Variants in TNC observed in about 807,000 individuals in gnomAD.
TNC encodes the protein tenascin C.
TNC carries 109 observed loss-of-function variants against 202.4 expected under a neutral mutation model. The observed-to-expected ratio is 0.54, with a 90% CI of 0.46 to 0.63. The LOEUF (loss-of-function observed/expected upper bound fraction) is 0.63. Among genes scored for constraint, TNC ranks in the 30% least tolerant of loss-of-function variants. The probability of loss-of-function intolerance (pLI) is 0.00; values close to 1 mark genes in which losing one functional copy is unlikely to be tolerated. For missense variants in TNC, 2,756 were observed against 2,833.3 expected, an observed-to-expected ratio of 0.97 and a Z score of 0.62; for synonymous variants, 1,007 against 1,089.7, an observed-to-expected ratio of 0.92 and a Z score of 1.50.
At chr9:115,055,291 C>T (rs1241979820) in intron 15 of TNC, among the ~76,000 whole-genome samples, 8 of 152,154 alleles carry the variant, frequency 5.3e-5, no homozygotes, top group Non-Finnish European at 7.3e-5. Flanking sequence ...AGAGGTTTGA[C>T]ACTGAAATTC....
rs912276095 is a variant in TNC at position 115,076,556 on chromosome 9, A to T, written c.2694T>A (p.Asn898Lys). 6.2e-7 allele frequency: 1 copy of T among 1,614,206 alleles called. No individual in the cohort carries two copies. The highest frequency in any genetic ancestry group is 8.5e-7 in the Non-Finnish European group (1 of 1,180,036). The change falls in exon 8 of 28, where the codon AAT becomes AAA. Residue 898 changes from asparagine to lysine, a missense_variant. Asn to Lys is a moderately conservative substitution (Grantham distance 94). Coordinates refer to ENST00000350763, the MANE Select transcript of TNC (RefSeq NM_002160.4). ...TATCTGTCTGGGAAACACGTCGAAG[A>T]TTCCTGGGAGCATCGAGGCCTGTTT... ...TFTTGLDAPR[N>K]LRRVSQTDNS... is the part of the protein sequence containing the mutation.
intron 21 of TNC, 43 bp downstream of exon 21, chr9:115,036,055 G>T (rs1392308719): frequency 6.2e-7 from 1 of 1,608,196 alleles, no homozygotes; most frequent in East Asian, 2.2e-5. Flanking sequence ...CTGTGGGTGG[G>T]CACCCCAGAA....
chr9:115,050,086 G>A (rs1262770732), intron 15 of TNC, among the ~76,000 whole-genome samples: 4 of 152,094 alleles, frequency 2.6e-5, no homozygotes, highest in African/African-American at 4.8e-5. Context: ...CAAGGGTCTC[G>A]AATTCTGTTC....
rs1191130836 is a variant in TNC at position 115,057,222 on chromosome 9, A to C, written c.4510T>G (p.Phe1504Val). Residue 1504 changes from phenylalanine to valine, a missense_variant, in exon 15 of 28, where the codon TTT (phenylalanine) becomes GTT (valine). This residue lies in a region of TNC where 2,559 missense variants were observed against 2,546.0 expected (regional missense o/e 1.01). Coordinates refer to ENST00000350763, the MANE Select transcript of TNC (RefSeq NM_002160.4). Reference sequence around the variant, plus strand: ...GCAAGTCCAGAGAGGTAGACAATAAAATCAGTACTAGGGGGTAGCCCTGAG... The same window carrying C: ...GCAAGTCCAGAGAGGTAGACAATAACATCAGTACTAGGGGGTAGCCCTGAG... ...HISGLPPSTD[F>V]IVYLSGLAPS... 1.2e-6 allele frequency: 2 copies of C among 1,614,116 alleles called. No homozygotes were observed. The highest frequency in any genetic ancestry group is 3.3e-5 in the Admixed American group (2 of 60,016).
chr9:115,085,918 CG>C lies in TNC; in HGVS notation c.1812del (p.Cys604TrpfsTer28). 1 of 1,613,156 alleles carries C rather than the reference CG, an allele frequency of 6.2e-7. No individual in the cohort carries two copies. The highest frequency in any genetic ancestry group is 8.5e-7 in the Non-Finnish European group (1 of 1,179,278). On this transcript the variant is annotated frameshift_variant, in exon 3 of 28. Transcript: ENST00000350763. LOFTEE classifies it high-confidence loss of function. ...TCGTTGCAGATGCAGCGGCCCGAGACGCATTGTCCTAAGTTGTTGCAGTCAC... is the reference window on the plus strand; with the variant it reads ...TCGTTGCAGATGCAGCGGCCCGAGACCATTGTCCTAAGTTGTTGCAGTCAC... Reference protein sequence around the residue: ...CPSDCNNLGQCVSGRCICNEG... With the variant: ...CPSDCNNLGQXVSGRCICNEG...
At chr9:115,063,210 G>C (rs747960769) in intron 12 of TNC, 21 bp from the exon 13 acceptor site, 2 of 1,607,098 alleles carry the variant, frequency 1.2e-6, no homozygotes, top group Non-Finnish European at 1.7e-6. Context: ...ACACAGAGTT[G>C]CTGAGTTACT....
At chr9:115,022,609 A>G (rs1323014959) in intron 27 of TNC, among the ~76,000 whole-genome samples, 1 of 151,984 alleles carries the variant, frequency 6.6e-6, no homozygotes, top group African/African-American at 2.4e-5. Flanking sequence ...TTTGTATTAT[A>G]CGAGTATTTT....
At chr9:115,087,492 C>T (rs1172170102) in intron 2 of TNC, among the ~76,000 whole-genome samples, 1 of 150,080 alleles carries the variant, frequency 6.7e-6, no homozygotes, top group East Asian at 2.0e-4. Flanking sequence ...AAATTATAGG[C>T]TTGTATGCCA....
chr9:115,029,536 C>T (rs1463293444), intron 24 of TNC, 80 bp from the exon 25 acceptor site: 1 of 1,380,990 alleles, frequency 7.2e-7, no homozygotes, highest in South Asian at 1.2e-5. Flanking sequence ...AGGAGTGTGG[C>T]ACTGTGGAGA....
chr9:115,036,268 C>A, intron 20 of TNC, 27 bp from the exon 21 acceptor site: 1 of 1,612,050 alleles, frequency 6.2e-7, no homozygotes, highest in South Asian at 1.1e-5. Flanking sequence ...CATACCAAGG[C>A]AGTCACCTCT....
At position 115,090,556 on chromosome 9, in the gene TNC, T is replaced by C. The variant is rs200969002; in HGVS notation, c.457+6A>G. On this transcript the variant is annotated splice_donor_region_variant and intron_variant, in intron 2 of 27. Transcript: ENST00000350763. ...GTGTGGGACTGGGCGGGCCACCAGC[T>C]CATACCTGTGGCAGGCTGGAGACAG... is the stretch of plus-strand genomic sequence containing the variant. 137 of 1,563,420 alleles carry C rather than the reference T, an allele frequency of 8.8e-5. 1 individual carries two copies. The highest frequency in any genetic ancestry group is 1.1e-4 in the Non-Finnish European group (128 of 1,153,174).
chr9:115,048,219 G>T, intron 16 of TNC, 41 bp downstream of exon 16: 1 of 1,603,144 alleles, frequency 6.2e-7, no homozygotes. Flanking sequence ...CACAGAAGGG[G>T]ACCAGGAAGA....
At chr9:115,070,206 G>A (rs1003903870) in intron 10 of TNC, among the ~76,000 whole-genome samples, 2 of 152,130 alleles carry the variant, frequency 1.3e-5, no homozygotes, top group Admixed American at 1.3e-4. Flanking sequence ...AGCTTGAAGG[G>A]GTAGATCAGG....
chr9:115,044,981 T>A (rs1386396737), intron 17 of TNC, among the ~76,000 whole-genome samples: 1 of 152,228 alleles, frequency 6.6e-6, no homozygotes, highest in Non-Finnish European at 1.5e-5. Context: ...AGATGGCAAG[T>A]AGCTATATGC....
intron 22 of TNC, 58 bp downstream of exon 22, chr9:115,035,146 T>C: frequency 6.6e-7 from 1 of 1,524,174 alleles, no homozygotes; most frequent in East Asian, 2.4e-5. Context: ...CTTCCATACT[T>C]TGAAGATCAT....
At position 115,080,016 on chromosome 9, in the gene TNC, C is replaced by T. The variant is rs372879345; in HGVS notation, c.2404+1756G>A. On this transcript the variant is annotated intron_variant, in intron 6 of 27. Transcript: ENST00000350763. ...CGGCTCATGCCTGTAATGCCAGCACCTTAGGAGGCCGAGGCGGGTGGATCA... is the reference window on the plus strand; with the variant it reads ...CGGCTCATGCCTGTAATGCCAGCACTTTAGGAGGCCGAGGCGGGTGGATCA... Among the ~76,000 whole-genome samples the T allele has an allele frequency of 7.2e-5, 11 of 152,178 alleles. 1 individual carries two copies. Among genetic ancestry groups the T allele is most frequent in the African/African-American group, 2.7e-4 (11 of 41,508 alleles).
At chr9:115,036,315 T>C (rs1347804691) in intron 20 of TNC, 74 bp from the exon 21 acceptor site, 6 of 1,527,300 alleles carry the variant, frequency 3.9e-6, no homozygotes, top group East Asian at 4.5e-5. Flanking sequence ...GCAAACCACA[T>C]ACACACCTCC....
chr9:115,057,845 T>A (rs1832252850), intron 14 of TNC, among the ~76,000 whole-genome samples: 1 of 152,236 alleles, frequency 6.6e-6, no homozygotes, highest in South Asian at 2.1e-4. Flanking sequence ...ATTACTTGGA[T>A]GCCTTCCACA....
At chr9:115,068,332 T>C (rs989096074) in intron 10 of TNC, among the ~76,000 whole-genome samples, 1 of 152,058 alleles carries the variant, frequency 6.6e-6, no homozygotes, top group Non-Finnish European at 1.5e-5. Flanking sequence ...TCCTGGTGGG[T>C]TGAGCAGCTG....
Sources: gnomAD v4.1 joint callset for allele counts (sites outside exome capture counted in the v4.1 genomes callset) on GRCh38, gnomAD v4.1.1 for gene constraint, gnomAD v4.1.1 regional missense constraint, MANE v1.5 for transcripts, NCBI Gene and HGNC (gene_info 2026-07-23, HGNC 2026-07-21) for gene names.